EFNA5: variants seen among roughly 807,000 people sequenced by gnomAD.
EFNA5 encodes the protein ephrin A5, also known as ephrin-A5.
In EFNA5, 5 loss-of-function variants were observed where a neutral mutation model predicts 22.9. The observed-to-expected ratio is 0.22, with a 90% CI of 0.11 to 0.46. The LOEUF is 0.46. EFNA5 is among the 20% of genes least tolerant of loss of function. The pLI is 0.99. For synonymous variants in EFNA5, 113 were observed against 112.2 expected, an observed-to-expected ratio of 1.01 and a Z score of -0.04; for missense variants, 237 against 293.3, an observed-to-expected ratio of 0.81 and a Z score of 1.40.
intron 2 of EFNA5, among the ~76,000 whole-genome samples, chr5:107,424,336 A>G (rs1252081726): frequency 8.2e-5 from 12 of 146,978 alleles, no homozygotes; most frequent in Non-Finnish European, 1.5e-5. Context: ...CCTCCCAAGT[A>G]GCTGAGATTA....
chr5:107,450,905 G>A (rs934652187), intron 1 of EFNA5, among the ~76,000 whole-genome samples: 1 of 152,196 alleles, frequency 6.6e-6, no homozygotes, highest in African/African-American at 2.4e-5. Context: ...TGATTCTGGA[G>A]GCTTTTCATC....
At chr5:107,485,542 G>A (rs151043818) in intron 1 of EFNA5, among the ~76,000 whole-genome samples, 55 of 152,298 alleles carry the variant, frequency 3.6e-4, no homozygotes, top group African/African-American at 1.2e-3. Flanking sequence ...GAGAAAGAGT[G>A]AATTGATCTG....
intron 1 of EFNA5, among the ~76,000 whole-genome samples, chr5:107,497,259 T>A (rs561630018): frequency 6.6e-6 from 1 of 152,338 alleles, no homozygotes; most frequent in East Asian, 1.9e-4. Context: ...AGGAACAGGT[T>A]CATATTCTGC....
chr5:107,448,607 G>C (rs370068574), intron 1 of EFNA5, among the ~76,000 whole-genome samples: 26 of 151,946 alleles, frequency 1.7e-4, no homozygotes, highest in East Asian at 1.2e-3. Context: ...GAGGCGGGCG[G>C]ATCACGAGAT....
chr5:107,452,097 C>G (rs998351736), intron 1 of EFNA5, among the ~76,000 whole-genome samples: 1 of 152,040 alleles, frequency 6.6e-6, no homozygotes, highest in African/African-American at 2.4e-5. Flanking sequence ...TTATCCTCAG[C>G]AAACTAACAC....
chr5:107,451,718 G>T (rs1242065584), intron 1 of EFNA5, among the ~76,000 whole-genome samples: 1 of 152,144 alleles, frequency 6.6e-6, no homozygotes, highest in Non-Finnish European at 1.5e-5. Context: ...GACTTATCAG[G>T]AAACAATAGG....
At position 107,417,881 on chromosome 5, in the gene EFNA5, T is replaced by C. The variant is rs141384229; in HGVS notation, c.418+9336A>G. ...TTTCAAACCAAGAGTTACATGACCA[T>C]TTGGTGAAAATAGAGCAAGAATAGA... is the stretch of plus-strand genomic sequence containing the variant. On this transcript the variant is annotated intron_variant, in intron 2 of 4. Coordinates refer to ENST00000333274, the MANE Select transcript of EFNA5 (RefSeq NM_001962.3). Among the ~76,000 whole-genome samples the C allele has an allele frequency of 9.6e-3, 1,460 of 152,262 alleles. 15 individuals are homozygous for C. The highest frequency in any genetic ancestry group is 0.014 in the Non-Finnish European group (944 of 68,008).
At chr5:107,540,709 T>A (rs1004868061) in intron 1 of EFNA5, among the ~76,000 whole-genome samples, 1 of 152,230 alleles carries the variant, frequency 6.6e-6, no homozygotes, top group African/African-American at 2.4e-5. Flanking sequence ...ACTTATACTT[T>A]AAAGATCTTA....
At chr5:107,502,300 T>G (rs1440965781) in intron 1 of EFNA5, among the ~76,000 whole-genome samples, 1 of 152,202 alleles carries the variant, frequency 6.6e-6, no homozygotes, top group Non-Finnish European at 1.5e-5. Context: ...TCTGTTGTGT[T>G]TAGACCAGTC....
At chr5:107,461,143 C>CT (rs1317662513) in intron 1 of EFNA5, among the ~76,000 whole-genome samples, 4 of 152,128 alleles carry the variant, frequency 2.6e-5, no homozygotes, top group African/African-American at 9.7e-5. Flanking sequence ...CCCCTCCTAT[C>CT]TCTTCTAATT....
chr5:107,454,962 G>T (rs1749658360), intron 1 of EFNA5, among the ~76,000 whole-genome samples: 1 of 152,158 alleles, frequency 6.6e-6, no homozygotes, highest in African/African-American at 2.4e-5. Flanking sequence ...TCCATTCCAT[G>T]AACAGAGGTG....
intron 1 of EFNA5, among the ~76,000 whole-genome samples, chr5:107,440,824 G>C (rs1165439190): frequency 6.6e-6 from 1 of 151,968 alleles, no homozygotes; most frequent in African/African-American, 2.4e-5. Context: ...AATGAGCCTG[G>C]GACTAAGCAC....
intron 1 of EFNA5, among the ~76,000 whole-genome samples, chr5:107,550,477 T>C (rs1748270054): frequency 6.6e-6 from 1 of 152,136 alleles, no homozygotes; most frequent in Non-Finnish European, 1.5e-5. Context: ...CACAGGCAAA[T>C]TGTCTAATCT....
chr5:107,587,027 A>G (rs1207461443), intron 1 of EFNA5, among the ~76,000 whole-genome samples: 2 of 152,218 alleles, frequency 1.3e-5, no homozygotes, highest in Non-Finnish European at 2.9e-5. Flanking sequence ...ACTGCACACT[A>G]AATGGATGTA....
At chr5:107,596,184 C>T (rs578106870) in intron 1 of EFNA5, among the ~76,000 whole-genome samples, 23 of 152,096 alleles carry the variant, frequency 1.5e-4, no homozygotes, top group Non-Finnish European at 2.6e-4. Context: ...TTTAAGTGTA[C>T]AGTACAGTAG....
intron 1 of EFNA5, among the ~76,000 whole-genome samples, chr5:107,596,581 C>G (rs1173485643): frequency 2.6e-5 from 4 of 152,110 alleles, no homozygotes; most frequent in Non-Finnish European, 5.9e-5. Context: ...AATGGATGTG[C>G]TATTTCTTTT....
At chr5:107,572,928 T>C (rs116648402) in intron 1 of EFNA5, among the ~76,000 whole-genome samples, 160 of 152,340 alleles carry the variant, frequency 1.1e-3, no homozygotes, top group South Asian at 6.0e-3. Context: ...AAATCCTATG[T>C]AATACTGGCT....
At chr5:107,469,115 A>G (rs542330244) in intron 1 of EFNA5, among the ~76,000 whole-genome samples, 1 of 152,286 alleles carries the variant, frequency 6.6e-6, no homozygotes, top group African/African-American at 2.4e-5. Context: ...TTAAAACATT[A>G]TTAAGAATTT....
chr5:107,517,858 A>G (rs1747515654), intron 1 of EFNA5, among the ~76,000 whole-genome samples: 1 of 152,242 alleles, frequency 6.6e-6, no homozygotes, highest in African/African-American at 2.4e-5. Context: ...TATGAACACT[A>G]TAAAAGCGTT....
Sources: gnomAD v4.1 joint callset for allele counts (sites outside exome capture counted in the v4.1 genomes callset) on GRCh38, gnomAD v4.1.1 for gene constraint, MANE v1.5 for transcripts, NCBI Gene and HGNC (gene_info 2026-07-23, HGNC 2026-07-21) for gene names.